Variants in AGBL4 observed in about 807,000 individuals in gnomAD.
AGBL4 encodes the protein cytosolic carboxypeptidase 6.
Under a neutral mutation model 66.4 loss-of-function variants are expected in AGBL4, and 58 were observed. The ratio of observed to expected loss-of-function variants is 0.87; its 90% CI spans 0.71 to 1.09. The LOEUF (loss-of-function observed/expected upper bound fraction) is 1.09, where lower values mean the gene tolerates loss of function less well. Ranked by LOEUF, AGBL4 falls within the 50% of genes least tolerant of loss-of-function variation. The pLI, the probability that AGBL4 is intolerant of heterozygous loss-of-function variation, is 0.00. For missense variants in AGBL4, 579 were observed against 631.0 expected (o/e 0.92, Z 0.88); for synonymous variants, 234 against 222.9 (o/e 1.05, Z -0.44).
chr1:49,704,428 G>A (rs966609966), intron 2 of AGBL4, among the ~76,000 whole-genome samples: 2 of 151,946 alleles, frequency 1.3e-5, no homozygotes, highest in Non-Finnish European at 2.9e-5. Context: ...AACCCTTACT[G>A]AAAATCTTAT....
At chr1:48,875,077 G>C (rs901995291) in intron 5 of AGBL4, among the ~76,000 whole-genome samples, 2 of 152,152 alleles carry the variant, frequency 1.3e-5, no homozygotes, top group African/African-American at 2.4e-5. Flanking sequence ...ATCTTGCTGG[G>C]GATAGAGTGA....
intron 2 of AGBL4, among the ~76,000 whole-genome samples, chr1:49,821,651 A>G (rs1265807187): frequency 6.6e-6 from 1 of 152,206 alleles, no homozygotes; most frequent in East Asian, 1.9e-4. Context: ...GGAAGTAAAG[A>G]CATTTGGTAT....
In AGBL4 at chr1:48,759,175, T is replaced by A. The variant is rs1465808174; in HGVS notation, c.635-95934A>T. On this transcript the variant is annotated intron_variant, in intron 6 of 13. Coordinates refer to ENST00000371839, the MANE Select transcript of AGBL4 (RefSeq NM_032785.4). ...TGGCGAGGCCTCCACGAAGACCTCT[T>A]CCGGACACGTGCTATGGCCCAGGCT... is the stretch of plus-strand genomic sequence containing the variant. 4 of 1,613,928 alleles carry A rather than the reference T, an allele frequency of 2.5e-6. No individual in the cohort carries two copies. In the African/African-American group the frequency reaches 5.3e-5, roughly 22 times the overall value.
At position 49,463,191 on chromosome 1, in the gene AGBL4, G is replaced by A. The variant is rs562467767; in HGVS notation, c.283-217327C>T. 5.3e-5 allele frequency among the ~76,000 whole-genome samples: 8 copies of A among 151,732 alleles called. No homozygotes were observed. In the South Asian group the frequency reaches 1.5e-3, roughly 28 times the overall value. The stretch of plus-strand genomic sequence containing the variant: ...TAGATGTAGTTATTTGCTTGCCCAC[G>A]GTTGTATTAAGTTTCAGAGTCAGGA... On this transcript the variant is annotated intron_variant, in intron 3 of 13. Transcript: ENST00000371839.
chr1:49,680,970 C>A (rs1228654471), intron 3 of AGBL4, among the ~76,000 whole-genome samples: 1 of 151,886 alleles, frequency 6.6e-6, no homozygotes, highest in Non-Finnish European at 1.5e-5. Context: ...TTAACGTTCA[C>A]TGACACTTTC....
chr1:49,627,036 C>T (rs1388749727), intron 3 of AGBL4, among the ~76,000 whole-genome samples: 4 of 152,076 alleles, frequency 2.6e-5, no homozygotes, highest in Non-Finnish European at 4.4e-5. Flanking sequence ...TCTGCTGTTG[C>T]TCATGGACCA....
chr1:48,654,363 T>TA (rs1415242353), intron 7 of AGBL4, among the ~76,000 whole-genome samples: 1 of 152,136 alleles, frequency 6.6e-6, no homozygotes, highest in Non-Finnish European at 1.5e-5. Context: ...AGCCTGCATC[T>TA]ACCCATAGAA....
chr1:48,633,781 G>A (rs892087445), intron 9 of AGBL4, among the ~76,000 whole-genome samples: 11 of 152,214 alleles, frequency 7.2e-5, no homozygotes, highest in Non-Finnish European at 1.5e-4. Context: ...TTACAAACAA[G>A]AACTTGCCCC....
At chr1:48,828,733 C>T (rs970754605) in intron 6 of AGBL4, among the ~76,000 whole-genome samples, 2 of 152,190 alleles carry the variant, frequency 1.3e-5, no homozygotes, top group East Asian at 1.9e-4. Context: ...GCCAGTTCTG[C>T]CAGTTAAAAT....
In AGBL4 at chr1:49,288,688, A is replaced by C. The variant is rs552438735; in HGVS notation, c.283-42824T>G. On this transcript the variant is annotated intron_variant, in intron 3 of 13. Coordinates refer to ENST00000371839, the MANE Select transcript of AGBL4 (RefSeq NM_032785.4). ...AAAGTGCTGCAGAAAGACAGTTTGG[A>C]GTTCAAGGCCTACCAAGTTGGAAAA... is the stretch of plus-strand genomic sequence containing the variant. 3.3e-5 allele frequency among the ~76,000 whole-genome samples: 5 copies of C among 152,302 alleles called. No individual in the cohort carries two copies. The East Asian group carries it at 9.7e-4, about 29-fold the overall frequency.
chr1:48,696,994 C>A (rs979641082), intron 6 of AGBL4, among the ~76,000 whole-genome samples: 6 of 152,166 alleles, frequency 3.9e-5, no homozygotes, highest in African/African-American at 1.2e-4. Context: ...CCTTCTCCCC[C>A]TCTATTGCCT....
chr1:49,194,501 A>G (rs1647186954), intron 4 of AGBL4, among the ~76,000 whole-genome samples: 1 of 152,152 alleles, frequency 6.6e-6, no homozygotes, highest in Non-Finnish European at 1.5e-5. Context: ...GGATGATTTA[A>G]TCCATTTACA....
intron 5 of AGBL4, among the ~76,000 whole-genome samples, chr1:49,044,980 G>T (rs1644041929): frequency 6.6e-6 from 1 of 152,106 alleles, no homozygotes; most frequent in Non-Finnish European, 1.5e-5. Context: ...CCATATTTGT[G>T]GTAGTTTGTC....
chr1:49,009,739 A>T (rs1313878724), intron 5 of AGBL4, among the ~76,000 whole-genome samples: 1 of 151,270 alleles, frequency 6.6e-6, no homozygotes, highest in Non-Finnish European at 1.5e-5. Flanking sequence ...CAAATCAATA[A>T]ATGTAATCCA....
intron 1 of AGBL4, among the ~76,000 whole-genome samples, chr1:49,905,009 CAAT>C (rs1266335391): frequency 2.0e-5 from 3 of 152,070 alleles, no homozygotes; most frequent in Non-Finnish European, 4.4e-5. Context: ...AAGTATTATT[CAAT>C]TTTGACAAAG....
chr1:49,963,789 G>C (rs1357465117), intron 1 of AGBL4, among the ~76,000 whole-genome samples: 1 of 152,034 alleles, frequency 6.6e-6, no homozygotes, highest in Non-Finnish European at 1.5e-5. Context: ...TATATTCCAG[G>C]AAAGAGCAGA....
At chr1:48,802,099 G>T (rs943339366) in intron 6 of AGBL4, among the ~76,000 whole-genome samples, 6 of 152,062 alleles carry the variant, frequency 3.9e-5, no homozygotes, top group African/African-American at 1.2e-4. Context: ...CAGGATGGAG[G>T]CCAGGCTCCT....
chr1:49,815,384 T>A (rs779975767), intron 2 of AGBL4, among the ~76,000 whole-genome samples: 5 of 152,216 alleles, frequency 3.3e-5, no homozygotes, highest in Non-Finnish European at 5.9e-5. Context: ...CTCCATCATG[T>A]ATACATGTCA....
Position 49,797,196 on chromosome 1 carries a change from A to C in AGBL4, c.157+54200T>G, listed in dbSNP as rs567842502. Among the ~76,000 whole-genome samples, 15 of 152,304 alleles carry C rather than the reference A, an allele frequency of 9.8e-5. No individual in the cohort carries two copies. In the South Asian group the frequency reaches 3.1e-3, roughly 32 times the overall value. On this transcript the variant is annotated intron_variant, in intron 2 of 13. Transcript: ENST00000371839. ...ACAAAAATATTTTAAGAATTAATTA[A>C]ATTTCAATATTCTGAGCTTTGGGAA...
Sources: allele counts gnomAD v4.1 joint callset (sites outside exome capture counted in the v4.1 genomes callset), GRCh38; gene constraint gnomAD v4.1.1; transcripts MANE v1.5; gene names NCBI Gene and HGNC (gene_info 2026-07-23, HGNC 2026-07-21).